Variants in PRKN observed in about 807,000 individuals in gnomAD.
The protein encoded by PRKN is E3 ubiquitin-protein ligase parkin.
Under a neutral mutation model 59.5 loss-of-function variants are expected in PRKN, and 56 were observed. The observed-to-expected ratio is 0.94, with a 90% CI of 0.76 to 1.18. PRKN has a LOEUF of 1.18. Among genes scored for constraint, PRKN ranks in the 50% most tolerant of loss-of-function variants. The pLI is 0.00. For synonymous variants in PRKN, 250 were observed against 222.1 expected (o/e 1.13, Z -1.12); for missense variants, 657 against 596.4 (o/e 1.10, Z -1.06).
intron 6 of PRKN, among the ~76,000 whole-genome samples, chr6:161,813,055 G>T (rs1397381655): frequency 6.6e-6 from 1 of 152,210 alleles, no homozygotes; most frequent in Non-Finnish European, 1.5e-5. Context: ...AGTGAGGCTT[G>T]TTTATTCAAA....
rs779011473 is a variant in PRKN at position 161,502,347 on chromosome 6, G to A, written c.1083+46507C>T. On this transcript the variant is annotated intron_variant, in intron 9 of 11. Coordinates refer to ENST00000366898, the MANE Select transcript of PRKN (RefSeq NM_004562.3). This position sits in a 1 kb window ranked among gnomAD's most constrained non-coding sequence, Gnocchi z 4.0. ...TTCTCTAAGCTCATGAACAATGTTTGGCTGTGCAGAAAACCAATGACATCA... is the reference window on the plus strand; with the variant it reads ...TTCTCTAAGCTCATGAACAATGTTTAGCTGTGCAGAAAACCAATGACATCA... Among the ~76,000 whole-genome samples, 1 of 152,110 alleles carries A rather than the reference G, an allele frequency of 6.6e-6. No individual in the cohort carries two copies. The highest frequency in any genetic ancestry group is 1.5e-5 in the Non-Finnish European group (1 of 68,042).
chr6:162,254,643 C>A (rs1239374949), intron 3 of PRKN, among the ~76,000 whole-genome samples: 1 of 152,054 alleles, frequency 6.6e-6, no homozygotes, highest in African/African-American at 2.4e-5. Context: ...CACCCACTTG[C>A]TGAAAGCTAA....
At chr6:162,041,948 G>T (rs1015538840) in intron 5 of PRKN, among the ~76,000 whole-genome samples, 11 of 152,132 alleles carry the variant, frequency 7.2e-5, no homozygotes, top group African/African-American at 2.4e-4. Flanking sequence ...GATCCTGCAT[G>T]TTCCCTAGGA....
intron 1 of PRKN, among the ~76,000 whole-genome samples, chr6:162,575,301 T>A (rs919755209): frequency 6.6e-6 from 1 of 152,184 alleles, no homozygotes; most frequent in Admixed American, 6.5e-5. Context: ...GACTGCAAAA[T>A]GACCTCTGCA....
chr6:162,528,593 A>G (rs908581497), intron 1 of PRKN, among the ~76,000 whole-genome samples: 2 of 152,142 alleles, frequency 1.3e-5, no homozygotes. Context: ...CACAGAAAAG[A>G]TACTGTCTGG....
intron 1 of PRKN, among the ~76,000 whole-genome samples, chr6:162,678,429 G>A (rs1779636350): frequency 6.6e-6 from 1 of 152,136 alleles, no homozygotes; most frequent in Non-Finnish European, 1.5e-5. Flanking sequence ...TGTCATGTAT[G>A]AGATTTCCAG....
At chr6:162,228,376 C>T (rs1472151634) in intron 3 of PRKN, among the ~76,000 whole-genome samples, 1 of 152,162 alleles carries the variant, frequency 6.6e-6, no homozygotes, top group Non-Finnish European at 1.5e-5. Context: ...TACAGTTGGT[C>T]AACCACACGT....
At chr6:161,661,974 G>C (rs1784565013) in intron 7 of PRKN, among the ~76,000 whole-genome samples, 1 of 152,100 alleles carries the variant, frequency 6.6e-6, no homozygotes, top group Admixed American at 6.5e-5. Flanking sequence ...AGTGAGCCAA[G>C]ATTGCACCAC....
chr6:162,426,374 A>C (rs1214851287), intron 2 of PRKN, among the ~76,000 whole-genome samples: 1 of 152,252 alleles, frequency 6.6e-6, no homozygotes, highest in African/African-American at 2.4e-5. Flanking sequence ...TGAAGAAAAT[A>C]AAATAAAACT....
chr6:161,980,211 TTA>T (rs1370324430), intron 5 of PRKN, among the ~76,000 whole-genome samples: 5 of 152,198 alleles, frequency 3.3e-5, no homozygotes, highest in East Asian at 1.9e-4. Flanking sequence ...TGTTTAACAA[TTA>T]TGTTTTCCAA....
intron 2 of PRKN, among the ~76,000 whole-genome samples, chr6:162,429,786 C>T (rs997678014): frequency 2.0e-5 from 3 of 152,138 alleles, no homozygotes; most frequent in Non-Finnish European, 4.4e-5. Flanking sequence ...ACCAGGAGTG[C>T]TTGCTGTGGA....
intron 1 of PRKN, among the ~76,000 whole-genome samples, chr6:162,451,366 G>GAAAAAA (rs1790613973): frequency 4.3e-5 from 3 of 70,352 alleles, no homozygotes; most frequent in African/African-American, 1.2e-4. Context: ...CCTTAAAGGA[G>GAAAAAA]TAAAAAAAAA....
intron 7 of PRKN, among the ~76,000 whole-genome samples, chr6:161,725,099 C>T (rs976483684): frequency 1.3e-5 from 2 of 152,168 alleles, no homozygotes; most frequent in Non-Finnish European, 2.9e-5. Context: ...GACGCTGGCG[C>T]CATGCTTCCT....
chr6:161,427,927 G>A (rs539436357), intron 9 of PRKN, among the ~76,000 whole-genome samples: 3 of 152,116 alleles, frequency 2.0e-5, no homozygotes, highest in Non-Finnish European at 4.4e-5. Flanking sequence ...CACTCTTGTC[G>A]ATATACCTGA....
intron 6 of PRKN, among the ~76,000 whole-genome samples, chr6:161,859,680 C>T (rs565639139): frequency 1.5e-4 from 23 of 150,478 alleles, no homozygotes; most frequent in Non-Finnish European, 2.1e-4. Context: ...CAAAAACAGT[C>T]CTGCTTCTTA....
intron 7 of PRKN, among the ~76,000 whole-genome samples, chr6:161,597,129 A>C (rs1247781048): frequency 6.6e-6 from 1 of 152,138 alleles, no homozygotes; most frequent in Non-Finnish European, 1.5e-5. Context: ...CAGGGTGATG[A>C]GATGTTATCT....
intron 5 of PRKN, among the ~76,000 whole-genome samples, chr6:162,052,271 A>T (rs907831660): frequency 5.5e-4 from 83 of 152,014 alleles, no homozygotes; most frequent in African/African-American, 2.0e-3. Flanking sequence ...CAATTATTAT[A>T]ATTTATATAT....
At chr6:161,920,513 G>A (rs186514913) in intron 6 of PRKN, among the ~76,000 whole-genome samples, 30 of 152,244 alleles carry the variant, frequency 2.0e-4, no homozygotes, top group Admixed American at 1.1e-3. Flanking sequence ...CCCCTGGGCC[G>A]GGCGCAGTGG....
At chr6:161,795,734 C>T (rs1790819965) in intron 6 of PRKN, among the ~76,000 whole-genome samples, 1 of 152,018 alleles carries the variant, frequency 6.6e-6, no homozygotes, top group Non-Finnish European at 1.5e-5. Context: ...TAAGAGGCCA[C>T]TCAGTCCAAT....
Sources: gnomAD v4.1 joint callset for allele counts (sites outside exome capture counted in the v4.1 genomes callset) on GRCh38, gnomAD v4.1.1 for gene constraint, Gnocchi (gnomAD v3.1) non-coding constraint, MANE v1.5 for transcripts, NCBI Gene and HGNC (gene_info 2026-07-23, HGNC 2026-07-21) for gene names.